MACROD2: variants seen among roughly 807,000 people sequenced by gnomAD.
MACROD2 encodes the protein ADP-ribose glycohydrolase MACROD2.
Under a neutral mutation model 70.4 loss-of-function variants are expected in MACROD2, and 36 were observed. The ratio of observed to expected loss-of-function variants is 0.51; its 90% CI spans 0.39 to 0.68. The LOEUF (loss-of-function observed/expected upper bound fraction) is 0.68. MACROD2 is among the 30% of genes least tolerant of loss of function. The pLI is 0.00. For missense variants in MACROD2, 496 were observed against 538.4 expected, an observed-to-expected ratio of 0.92 and a Z score of 0.78; for synonymous variants, 172 against 178.8, an observed-to-expected ratio of 0.96 and a Z score of 0.30.
chr20:15,854,569 G>A (rs2064336770), intron 8 of MACROD2, among the ~76,000 whole-genome samples: 1 of 152,146 alleles, frequency 6.6e-6, no homozygotes, highest in African/African-American at 2.4e-5. Context: ...TCAGCCAACT[G>A]TGAAACTGTG....
intron 15 of MACROD2, among the ~76,000 whole-genome samples, chr20:16,005,093 GT>G (rs2066770042): frequency 6.6e-6 from 1 of 152,146 alleles, no homozygotes; most frequent in African/African-American, 2.4e-5. Context: ...CATTTTCATA[GT>G]TCTACTTGTC....
intron 5 of MACROD2, among the ~76,000 whole-genome samples, chr20:14,886,121 G>C (rs1447176397): frequency 1.3e-5 from 2 of 152,120 alleles, no homozygotes; most frequent in Non-Finnish European, 2.9e-5. Context: ...TTGGAGGGTG[G>C]GGATGTTGCA....
At chr20:14,413,851 A>G (rs2083774761) in intron 3 of MACROD2, among the ~76,000 whole-genome samples, 1 of 151,912 alleles carries the variant, frequency 6.6e-6, no homozygotes, top group Non-Finnish European at 1.5e-5. Context: ...CAGGATGGGC[A>G]GAAACAGCCT....
chr20:15,001,639 G>A (rs952049638), intron 5 of MACROD2, among the ~76,000 whole-genome samples: 25 of 151,928 alleles, frequency 1.6e-4, no homozygotes, highest in Non-Finnish European at 3.5e-4. Flanking sequence ...TAAACTGTGG[G>A]TTTTCTAGGG....
intron 8 of MACROD2, among the ~76,000 whole-genome samples, chr20:15,645,974 A>G (rs911466459): frequency 1.3e-5 from 2 of 152,188 alleles, no homozygotes; most frequent in African/African-American, 4.8e-5. Flanking sequence ...AATCCATATT[A>G]TGCAAATATC....
chr20:15,848,817 G>T (rs1294066444), intron 8 of MACROD2, among the ~76,000 whole-genome samples: 1 of 152,064 alleles, frequency 6.6e-6, no homozygotes, highest in Non-Finnish European at 1.5e-5. Flanking sequence ...AGGTCACTCA[G>T]AGCCCACTGA....
chr20:15,099,669 C>G (rs1030243916), intron 5 of MACROD2, among the ~76,000 whole-genome samples: 1 of 152,054 alleles, frequency 6.6e-6, no homozygotes, highest in African/African-American at 2.4e-5. Flanking sequence ...ATGGAAGTGA[C>G]TTTGGAAGGG....
intron 5 of MACROD2, among the ~76,000 whole-genome samples, chr20:14,818,509 C>A (rs961626906): frequency 1.3e-5 from 2 of 151,970 alleles, no homozygotes; most frequent in African/African-American, 4.8e-5. Context: ...GTAACTGCAT[C>A]CTGTGGCTGA....
At chr20:14,005,602 CT>C (rs928210359) in intron 2 of MACROD2, among the ~76,000 whole-genome samples, 252 of 144,488 alleles carry the variant, frequency 1.7e-3, no homozygotes, top group Non-Finnish European at 1.7e-3. Context: ...TTTCTCCAAA[CT>C]TTTTTTTTTT....
At chr20:14,055,283 T>G (rs922765949) in intron 2 of MACROD2, among the ~76,000 whole-genome samples, 1 of 152,132 alleles carries the variant, frequency 6.6e-6, no homozygotes, top group African/African-American at 2.4e-5. Flanking sequence ...TTTACTCTGG[T>G]TCTTTTTTTT....
chr20:14,551,146 A>G (rs1049840196), intron 4 of MACROD2, among the ~76,000 whole-genome samples: 6 of 152,120 alleles, frequency 3.9e-5, no homozygotes, highest in African/African-American at 9.7e-5. Flanking sequence ...CAGTCTTTCT[A>G]TGCAATTTTA....
intron 8 of MACROD2, among the ~76,000 whole-genome samples, chr20:15,743,464 T>C (rs1288098046): frequency 4.6e-5 from 7 of 152,206 alleles, no homozygotes; most frequent in Non-Finnish European, 8.8e-5. Context: ...CATGTCTATG[T>C]CTCTAGCAGT....
At chr20:14,524,215 C>A (rs2085203677) in intron 4 of MACROD2, among the ~76,000 whole-genome samples, 1 of 152,102 alleles carries the variant, frequency 6.6e-6, no homozygotes. Context: ...ATTGGAAAAT[C>A]TTTCCTTCAA....
At position 15,940,965 on chromosome 20, in the gene MACROD2, T is replaced by C. The variant is rs150553775; in HGVS notation, c.907+3421T>C. 3.6e-3 allele frequency among the ~76,000 whole-genome samples: 552 copies of C among 152,296 alleles called. 5 individuals carry two copies. Among genetic ancestry groups the C allele is most frequent in the African/African-American group, 0.013 (528 of 41,564 alleles). On this transcript the variant is annotated intron_variant, in intron 12 of 17. Coordinates refer to ENST00000684519, the MANE Select transcript of MACROD2 (RefSeq NM_001351661.2). ...AACATGAAAGAGGGATAATTTAATT[T>C]GAATGTGACCATGTTTCAGGCTGGG... is the stretch of plus-strand genomic sequence containing the variant.
rs145147472 is a variant in MACROD2, at chr20:14,535,619, T to C, written c.301+42111T>C. ...CTAGGAAGCTGTGGTTGATTAACTG[T>C]TAAAGTCTTGAGTATATAGTGAAGA... On this transcript the variant is annotated intron_variant, in intron 4 of 17. Coordinates refer to ENST00000684519, the MANE Select transcript of MACROD2 (RefSeq NM_001351661.2). Among the ~76,000 whole-genome samples the C allele has an allele frequency of 9.9e-3, 1,512 of 152,018 alleles. 33 individuals are homozygous for C. The highest frequency in any genetic ancestry group is 0.035 in the African/African-American group (1,441 of 41,440).
intron 5 of MACROD2, among the ~76,000 whole-genome samples, chr20:15,078,428 C>A (rs2075676653): frequency 6.6e-6 from 1 of 152,134 alleles, no homozygotes; most frequent in African/African-American, 2.4e-5. Context: ...ATGTCAGGCA[C>A]ACACAGAAAC....
intron 5 of MACROD2, among the ~76,000 whole-genome samples, chr20:14,716,127 T>C (rs752445086): frequency 1.3e-5 from 2 of 152,110 alleles, no homozygotes; most frequent in African/African-American, 4.8e-5. Context: ...CTGCCTAGAG[T>C]TTTTCCAGAG....
chr20:15,200,847 G>GT (rs2076649795), intron 5 of MACROD2, among the ~76,000 whole-genome samples: 1 of 152,156 alleles, frequency 6.6e-6, no homozygotes, highest in African/African-American at 2.4e-5. Context: ...TTCTGCATTT[G>GT]TAACAAGCTC....
chr20:14,755,715 C>G (rs1416077943), intron 5 of MACROD2, among the ~76,000 whole-genome samples: 1 of 151,348 alleles, frequency 6.6e-6, no homozygotes, highest in Non-Finnish European at 1.5e-5. Context: ...ATTATATTAC[C>G]CTGGGTACTT....
Sources: allele counts gnomAD v4.1 joint callset (sites outside exome capture counted in the v4.1 genomes callset), GRCh38; gene constraint gnomAD v4.1.1; transcripts MANE v1.5; gene names NCBI Gene and HGNC (gene_info 2026-07-23, HGNC 2026-07-21).